SLC43A1: variants seen among roughly 807,000 people sequenced by gnomAD.
The protein encoded by SLC43A1 is solute carrier family 43 member 1.
In SLC43A1, 31 loss-of-function variants were observed where a neutral mutation model predicts 59.5. The ratio of observed to expected loss-of-function variants is 0.52; its 90% CI spans 0.39 to 0.70. The LOEUF (loss-of-function observed/expected upper bound fraction) is 0.70, where lower values mean the gene tolerates loss of function less well. SLC43A1 is among the 30% of genes least tolerant of loss of function. The pLI is 0.00. For synonymous variants in SLC43A1, 259 were observed against 290.9 expected (o/e 0.89, Z 1.12); for missense variants, 598 against 717.8 (o/e 0.83, Z 1.91).
Position 57,488,978 on chromosome 11 carries a change from A to G in SLC43A1, c.1347T>C (p.Phe449=). The G allele has an allele frequency of 6.2e-7, 1 of 1,614,166 alleles. No homozygotes were observed. Among genetic ancestry groups the G allele is most frequent in the Non-Finnish European group, 8.5e-7 (1 of 1,179,958 alleles). The change falls in exon 13 of 15, where the codon TTT becomes TTC. Residue 449 remains phenylalanine (F), a synonymous_variant. Coordinates refer to ENST00000278426, the MANE Select transcript of SLC43A1 (RefSeq NM_003627.6). ...INNLHLQFVT[F]VLHTIVRGFF... ...AACCTCGAACAATGGTGTGCAGGAC[A>G]AAGGTCACAAACTAAAACCAAAAAG...
intron 5 of SLC43A1, 99 bp downstream of exon 5, chr11:57,500,680 G>GC: frequency 9.9e-7 from 1 of 1,011,124 alleles, no homozygotes; most frequent in South Asian, 1.3e-5. Context: ...GCGTCCACAG[G>GC]CCCCTCCCCC....
chr11:57,515,096 G>T lies in SLC43A1; in HGVS notation c.-14+348C>A. ...GAAAGACCCAGAGAGAGGGGAGGAA[G>T]TACCAGTCACTTCTTCCAGGGGGAC... On this transcript the variant is annotated intron_variant, in intron 1 of 14. Coordinates refer to ENST00000278426, the MANE Select transcript of SLC43A1 (RefSeq NM_003627.6). This position sits in a 1 kb window ranked among gnomAD's most constrained non-coding sequence, Gnocchi z 5.3. 2.0e-6 allele frequency: 2 copies of T among 984,146 alleles called. No individual in the cohort carries two copies. Among genetic ancestry groups the T allele is most frequent in the Non-Finnish European group, 2.4e-6 (2 of 828,808 alleles). The allele number at this position is 984,146 out of a possible 1,614,324, so 61.0% of individuals were successfully genotyped here. A position where few individuals can be genotyped will look rare whatever the true frequency, so the allele number is the denominator to read the frequency against.
intron 5 of SLC43A1, chr11:57,499,412 T>G (rs564875971): frequency 6.6e-6 from 1 of 151,890 alleles, no homozygotes; most frequent in African/African-American, 2.4e-5. Context: ...GAAAAACCTC[T>G]ACCCACTCAG....
rs760571627 is a variant in SLC43A1 at position 57,488,929 on chromosome 11, G to C, written c.1396C>G (p.Leu466Val). The C allele has an allele frequency of 3.1e-6, 5 of 1,613,982 alleles. No individual in the cohort carries two copies. Among genetic ancestry groups the C allele is most frequent in the Non-Finnish European group, 4.2e-6 (5 of 1,179,818 alleles). The change falls in exon 13 of 15, where the codon CTC (leucine) becomes GTC (valine). Residue 466 changes from leucine (L) to valine (V), a missense_variant. Transcript: ENST00000278426. ...RGFFHSACGS[L>V]YAAVFPSNHF... ...CAACAGACTCACACTGCAGCATAGA[G>C]ACTCCCACAGGCTGAGTGGAAGAAA...
At position 57,494,096 on chromosome 11, in the gene SLC43A1, G is replaced by A. The variant is rs1439044258; in HGVS notation, c.768C>T (p.Thr256=). 1 of 1,611,782 alleles carries A rather than the reference G, an allele frequency of 6.2e-7. No homozygotes were observed. The highest frequency in any genetic ancestry group is 1.7e-5 in the Admixed American group (1 of 59,728). Residue 256 remains threonine, a synonymous_variant, in exon 8 of 15, where the codon ACC becomes ACT. Transcript: ENST00000278426. Reference sequence around the variant, plus strand: ...CCTTCTGGCTGAGCCTCTGGCCCATGGTGGTCACATGGGTGTAGAAGAGGT... The same window carrying A: ...CCTTCTGGCTGAGCCTCTGGCCCATAGTGGTCACATGGGTGTAGAAGAGGT... ...TGDLFYTHVT[T]MGQRLSQKAP...
At chr11:57,491,008 C>A (rs1238507259) in intron 11 of SLC43A1, among the ~76,000 whole-genome samples, 1 of 152,184 alleles carries the variant, frequency 6.6e-6, no homozygotes, top group Non-Finnish European at 1.5e-5. Context: ...GGCAAGGTGC[C>A]AAGTGCACAG....
At chr11:57,509,656 GGGAGGGAGGAAGGGAA>G (rs1944482140) in intron 2 of SLC43A1, among the ~76,000 whole-genome samples, 1 of 103,206 alleles carries the variant, frequency 9.7e-6, no homozygotes, top group East Asian at 2.4e-4. Flanking sequence ...GAAGGAGGGA[GGGAGGGAGGAAGGGAA>G]GGAGGGAGGG....
rs1554982003 is a variant in SLC43A1, at chr11:57,494,163, A to T, written c.701T>A (p.Ile234Asn). 2 of 1,609,336 alleles carry T rather than the reference A, an allele frequency of 1.2e-6. No homozygotes were observed. Among genetic ancestry groups the T allele is most frequent in the Non-Finnish European group, 8.5e-7 (1 of 1,178,262 alleles). ...GTCCAGGGCCAGCCCACTCAGCTTG[A>T]TCTTCTTCCTGCAGGCAGCCAGGCC... ...APEEVNYTKK[I>N]KLSGLALDHK... Residue 234 changes from isoleucine (I) to asparagine (N), a missense_variant, in exon 8 of 15, where the codon ATC becomes AAC. Coordinates refer to ENST00000278426, the MANE Select transcript of SLC43A1 (RefSeq NM_003627.6).
chr11:57,510,551 G>GTAAAA (rs1480429061), intron 2 of SLC43A1, among the ~76,000 whole-genome samples: 1 of 149,956 alleles, frequency 6.7e-6, no homozygotes, highest in East Asian at 2.0e-4. Flanking sequence ...TAACAGGAAT[G>GTAAAA]TAAAATAGGC....
rs774092459 is a variant in SLC43A1, at chr11:57,496,066, G to A, written c.657C>T (p.Ile219=). 13 of 1,613,982 alleles carry A rather than the reference G, an allele frequency of 8.1e-6. No homozygotes were observed. In the South Asian group the frequency reaches 8.8e-5, roughly 11 times the overall value. ...CTTCCTCAGGGGCAGGAAAGGCTTC[G>A]ATGGGCCAGTTGAGGGTGCAGTTCA... ...IFLNCTLNWP[I]EAFPAPEEVN... Residue 219 remains isoleucine (I), a synonymous_variant, in exon 7 of 15, where the codon ATC becomes ATT. Coordinates refer to ENST00000278426, the MANE Select transcript of SLC43A1 (RefSeq NM_003627.6).
At chr11:57,497,721 A>G (rs1440796281) in intron 6 of SLC43A1, 32 bp downstream of exon 6, 4 of 1,571,448 alleles carry the variant, frequency 2.5e-6, no homozygotes, top group Non-Finnish European at 3.5e-6. Context: ...TTCTTGTGTC[A>G]AGACAAAAAG....
intron 2 of SLC43A1, among the ~76,000 whole-genome samples, chr11:57,512,020 T>C (rs2135230388): frequency 6.6e-6 from 1 of 152,274 alleles, no homozygotes; most frequent in South Asian, 2.1e-4. Flanking sequence ...CTGAACATAC[T>C]AAAACTGTTA....
intron 2 of SLC43A1, among the ~76,000 whole-genome samples, chr11:57,511,711 A>G (rs562026971): frequency 6.6e-6 from 1 of 152,362 alleles, no homozygotes; most frequent in South Asian, 2.1e-4. Flanking sequence ...GTATTTACTC[A>G]GCAATAAAAA....
At chr11:57,498,679 A>T (rs970549831) in intron 5 of SLC43A1, among the ~76,000 whole-genome samples, 1 of 152,096 alleles carries the variant, frequency 6.6e-6, no homozygotes, top group African/African-American at 2.4e-5. Flanking sequence ...GTTTCTGCCT[A>T]ATCAGGACAA....
At position 57,491,744 on chromosome 11, in the gene SLC43A1, C is replaced by T. The variant is rs781307998; in HGVS notation, c.990G>A (p.Glu330=). Residue 330 remains glutamate, a synonymous_variant, in exon 9 of 15, where the codon GAG becomes GAA. Transcript: ENST00000278426. ...GCTCCTGGCCACCAGTCACAAGGTACTCCAGCATCTTGTTCACAGCAGCCA... is the reference window on the plus strand; with the variant it reads ...GCTCCTGGCCACCAGTCACAAGGTATTCCAGCATCTTGTTCACAGCAGCCA... ...FYMAAVNKML[E]YLVTGGQEHE... is the part of the protein sequence containing the mutation. The T allele has an allele frequency of 6.2e-7, 1 of 1,614,252 alleles. No individual in the cohort carries two copies. Among genetic ancestry groups the T allele is most frequent in the Non-Finnish European group, 8.5e-7 (1 of 1,180,048 alleles).
At chr11:57,492,446 A>G (rs1294973743) in intron 8 of SLC43A1, among the ~76,000 whole-genome samples, 1 of 135,420 alleles carries the variant, frequency 7.4e-6, no homozygotes, top group Non-Finnish European at 1.6e-5. Flanking sequence ...TATATATATA[A>G]AATATAATAT....
intron 2 of SLC43A1, among the ~76,000 whole-genome samples, chr11:57,509,417 G>A (rs1026702261): frequency 3.3e-5 from 5 of 151,606 alleles, no homozygotes; most frequent in Admixed American, 1.3e-4. Context: ...GTGAAACCCC[G>A]TCTCTACTAA....
intron 5 of SLC43A1, among the ~76,000 whole-genome samples, chr11:57,498,684 G>A (rs1374108626): frequency 2.6e-5 from 4 of 152,062 alleles, no homozygotes; most frequent in Admixed American, 2.6e-4. Flanking sequence ...TGCCTAATCA[G>A]GACAAATCAC....
At chr11:57,509,808 T>C (rs574601738) in intron 2 of SLC43A1, among the ~76,000 whole-genome samples, 6 of 152,074 alleles carry the variant, frequency 3.9e-5, no homozygotes, top group East Asian at 1.9e-4. Context: ...TCCTTAAACA[T>C]GACACCAAGA....
Sources: gnomAD v4.1 joint callset for allele counts (sites outside exome capture counted in the v4.1 genomes callset) on GRCh38, gnomAD v4.1.1 for gene constraint, Gnocchi (gnomAD v3.1) non-coding constraint, MANE v1.5 for transcripts, NCBI Gene and HGNC (gene_info 2026-07-23, HGNC 2026-07-21) for gene names.